Variants in TRH observed in about 807,000 individuals in gnomAD.
TRH encodes the protein TSH-releasing factor.
TRH carries 5 observed loss-of-function variants against 5.2 expected under a neutral mutation model. The observed-to-expected ratio is 0.95, with a 90% CI of 0.50 to 2.00. The LOEUF is 2.00. TRH is among the 30% of genes most tolerant of loss of function. The pLI, the probability that TRH is intolerant of heterozygous loss-of-function variation, is 0.01. For missense variants in TRH, 318 were observed against 312.8 expected (o/e 1.02, Z -0.13); for synonymous variants, 131 against 128.6 (o/e 1.02, Z -0.13).
rs2062548656 is a variant in TRH at position 129,976,915 on chromosome 3, G to A, written c.428G>A (p.Trp143Ter). The A allele has an allele frequency of 6.2e-7, 1 of 1,613,676 alleles. No individual in the cohort carries two copies. The highest frequency in any genetic ancestry group is 1.7e-5 in the Admixed American group (1 of 59,978). The change falls in exon 3 of 3, where the codon TGG (tryptophan) becomes TAG (stop). Residue 143 changes from tryptophan (W) to a stop codon, truncating the protein, a stop_gained. Transcript: ENST00000302649. LOFTEE classifies it low-confidence loss of function (END_TRUNC). ...CAGCATCCTGGCCGGCGCTCCCCCT[G>A]GCTTGCATATGCTGTCCCGAAGCGG... is the stretch of plus-strand genomic sequence containing the variant. ...KRQHPGRRSP[W>*]LAYAVPKRQH...
intron 1 of TRH, 63 bp from the exon 2 acceptor site, chr3:129,975,746 G>C: frequency 1.4e-6 from 2 of 1,470,680 alleles, no homozygotes; most frequent in Non-Finnish European, 1.8e-6. Context: ...CGGGCGTCGG[G>C]GGAGATGGAG....
At position 129,976,778 on chromosome 3, in the gene TRH, TGAAGAA is replaced by T; in HGVS notation, c.294_299del (p.Glu103_Glu104del). 2 of 1,611,888 alleles carry T rather than the reference TGAAGAA, an allele frequency of 1.2e-6. No individual in the cohort carries two copies. The highest frequency in any genetic ancestry group is 2.2e-5 in the South Asian group (2 of 90,968). On this transcript the variant is annotated inframe_deletion, in exon 3 of 3. Coordinates refer to ENST00000302649, the MANE Select transcript of TRH (RefSeq NM_007117.5). ...GAGAGGAGGAGGAGGAAGAGGGAGT[TGAAGAA>T]GAGGAAGAGGAAGAAGGGGGGGCTG...
intron 1 of TRH, among the ~76,000 whole-genome samples, chr3:129,975,507 T>G (rs1291550524): frequency 6.6e-6 from 1 of 152,048 alleles, no homozygotes; most frequent in Non-Finnish European, 1.5e-5. Context: ...CAGTTCCGCG[T>G]CACATTGAAG....
At position 129,975,872 on chromosome 3, in the gene TRH, T is replaced by C; in HGVS notation, c.56T>C (p.Val19Ala). Residue 19 changes from valine (V) to alanine (A), a missense_variant, in exon 2 of 3, where the codon GTC (valine) becomes GCC (alanine). Coordinates refer to ENST00000302649, the MANE Select transcript of TRH (RefSeq NM_007117.5). Reference protein sequence around the residue: ...ALALTLNLTGVPGGRAQPEAA... With the variant: ...ALALTLNLTGAPGGRAQPEAA... Reference sequence around the variant, plus strand: ...GCTTTGACCCTGAACCTGACCGGTGTCCCCGGCGGCCGTGCTCAGCCAGAG... The same window carrying C: ...GCTTTGACCCTGAACCTGACCGGTGCCCCCGGCGGCCGTGCTCAGCCAGAG... 1.2e-6 allele frequency: 2 copies of C among 1,612,766 alleles called. No homozygotes were observed. Among genetic ancestry groups the C allele is most frequent in the Non-Finnish European group, 1.7e-6 (2 of 1,179,842 alleles).
chr3:129,975,838 C>T lies in TRH; in HGVS notation c.22C>T (p.Leu8Phe). The change falls in exon 2 of 3, where the codon CTC (leucine) becomes TTC (phenylalanine). Residue 8 changes from leucine (L) to phenylalanine (F), a missense_variant. Coordinates refer to ENST00000302649, the MANE Select transcript of TRH (RefSeq NM_007117.5). ...CGCGATGCCCGGCCCTTGGTTGCTG[C>T]TCGCTCTGGCTTTGACCCTGAACCT... MPGPWLL[L>F]ALALTLNLTG... The T allele has an allele frequency of 3.1e-6, 5 of 1,609,424 alleles. No homozygotes were observed. Among genetic ancestry groups the T allele is most frequent in the Non-Finnish European group, 4.2e-6 (5 of 1,178,982 alleles).
chr3:129,977,004 G>A lies in TRH; in HGVS notation c.517G>A (p.Glu173Lys), dbSNP rs183830759. 1.6e-4 allele frequency: 263 copies of A among 1,613,828 alleles called. 1 individual carries two copies. In the East Asian group the frequency reaches 5.6e-3, roughly 34 times the overall value. The stretch of plus-strand genomic sequence containing the variant: ...AAGGAGCTGGGAAGAAGAGGAGGAG[G>A]AGGAAGAGAGAGAGGAAGACCTGAT... ...AQRSWEEEEE[E>K]EEREEDLMPE... The change falls in exon 3 of 3, where the codon GAG (glutamate) becomes AAG (lysine). Residue 173 changes from glutamate (E) to lysine (K), a missense_variant. Glu to Lys is a moderately conservative substitution (Grantham distance 56). Transcript: ENST00000302649.
In TRH at chr3:129,976,960, TG is replaced by T; in HGVS notation, c.475del (p.Ala159GlnfsTer22). The T allele has an allele frequency of 6.2e-7, 1 of 1,612,364 alleles. No individual in the cohort carries two copies. Among genetic ancestry groups the T allele is most frequent in the East Asian group, 2.2e-5 (1 of 44,746 alleles). On this transcript the variant is annotated frameshift_variant, in exon 3 of 3. Coordinates refer to ENST00000302649, the MANE Select transcript of TRH (RefSeq NM_007117.5). LOFTEE classifies it low-confidence loss of function (END_TRUNC). ...AAGCGGCAGCACCCAGGCAGAAGGC[TG>T]GCAGATCCCAAGGCTCAAAGGAGCT... is the stretch of plus-strand genomic sequence containing the variant. The part of the protein sequence containing the change: ...VPKRQHPGRR[L>X]ADPKAQRSWE...
rs143074831 is a variant in TRH at position 129,975,928 on chromosome 3, G to T, written c.112G>T (p.Glu38Ter). 2.6e-5 allele frequency: 42 copies of T among 1,613,512 alleles called. No individual in the cohort carries two copies. Among genetic ancestry groups the T allele is most frequent in the Non-Finnish European group, 3.4e-5 (40 of 1,179,914 alleles). ...AAQQEAVTAA[E>*]HPGLDDFLRQ... ...CCAGCAGGAGGCAGTGACGGCCGCG[G>T]AGCATCCGGGCCTGGATGACTTCCT... The change falls in exon 2 of 3, where the codon GAG becomes TAG. Residue 38 changes from glutamate (E) to a stop codon, truncating the protein, a stop_gained. Coordinates refer to ENST00000302649, the MANE Select transcript of TRH (RefSeq NM_007117.5). LOFTEE classifies it high-confidence loss of function.
chr3:129,976,047 G>T lies in TRH; in HGVS notation c.211+20G>T. ...ACTCCGGTGAGTGGATGGGGCTGTT[G>T]GGGGCTGTGGGGCTAGGCTATTGGG... On this transcript the variant is annotated intron_variant, in intron 2 of 2. Transcript: ENST00000302649. The T allele has an allele frequency of 3.7e-6, 6 of 1,610,602 alleles. No homozygotes were observed. The highest frequency in any genetic ancestry group is 5.1e-6 in the Non-Finnish European group (6 of 1,178,100).
intron 1 of TRH, 124 bp downstream of exon 1, chr3:129,974,947 G>T (rs2062533650): frequency 6.6e-6 from 1 of 152,168 alleles, no homozygotes; most frequent in Non-Finnish European, 1.5e-5. Flanking sequence ...CGGTGCACAG[G>T]CGGGCGCTGT....
intron 2 of TRH, 28 bp downstream of exon 2, chr3:129,976,055 T>C (rs1221469101): frequency 1.9e-6 from 3 of 1,607,958 alleles, no homozygotes; most frequent in Non-Finnish European, 2.5e-6. Context: ...TTGGGGGCTG[T>C]GGGGCTAGGC....
At chr3:129,975,598 C>G (rs2062537863) in intron 1 of TRH, among the ~76,000 whole-genome samples, 1 of 152,206 alleles carries the variant, frequency 6.6e-6, no homozygotes, top group Non-Finnish European at 1.5e-5. Flanking sequence ...CTACAGGCAC[C>G]CGTGGGGGCG....
intron 2 of TRH, among the ~76,000 whole-genome samples, chr3:129,976,359 A>G (rs574001426): frequency 3.3e-5 from 5 of 152,272 alleles, no homozygotes; most frequent in Non-Finnish European, 7.4e-5. Context: ...AGCACTTCAA[A>G]CACCTTATCA....
intron 1 of TRH, 64 bp from the exon 2 acceptor site, chr3:129,975,745 G>C (rs1205385722): frequency 3.4e-6 from 5 of 1,468,058 alleles, no homozygotes; most frequent in Non-Finnish European, 4.6e-6. Context: ...GCGGGCGTCG[G>C]GGGAGATGGA....
chr3:129,977,429 T>G lies in TRH; in HGVS notation c.*213T>G. 3.9e-6 allele frequency: 2 copies of G among 516,796 alleles called. No individual in the cohort carries two copies. Among genetic ancestry groups the G allele is most frequent in the East Asian group, 3.4e-5 (1 of 29,348 alleles). The allele number at this position is 516,796 out of a possible 1,614,324, so 32.0% of individuals were successfully genotyped here. A position where few individuals can be genotyped will look rare whatever the true frequency, so the allele number is the denominator to read the frequency against. ...ATCAGCCTAGCAGTTTAAACCCCACTTTCCTCCACTTAGCACCATAGGCAA... is the reference window on the plus strand; with the variant it reads ...ATCAGCCTAGCAGTTTAAACCCCACGTTCCTCCACTTAGCACCATAGGCAA... On this transcript the variant is annotated 3_prime_UTR_variant, in exon 3 of 3. Coordinates refer to ENST00000302649, the MANE Select transcript of TRH (RefSeq NM_007117.5).
Position 129,975,888 on chromosome 3 carries a change from T to G in TRH, c.72T>G (p.Ala24=), listed in dbSNP as rs1276758664. The stretch of plus-strand genomic sequence containing the variant: ...TGACCGGTGTCCCCGGCGGCCGTGC[T>G]CAGCCAGAGGCGGCCCAGCAGGAGG... ...LNLTGVPGGR[A]QPEAAQQEAV... The change falls in exon 2 of 3, where the codon GCT becomes GCG. Residue 24 remains alanine (A), a synonymous_variant. Coordinates refer to ENST00000302649, the MANE Select transcript of TRH (RefSeq NM_007117.5). 1 of 1,613,148 alleles carries G rather than the reference T, an allele frequency of 6.2e-7. No individual in the cohort carries two copies. Among genetic ancestry groups the G allele is most frequent in the African/African-American group, 1.3e-5 (1 of 74,934 alleles).
Position 129,977,377 on chromosome 3 carries a change from G to GC in TRH, c.*164dup, listed in dbSNP as rs1034899112. Reference sequence around the variant, plus strand: ...CACACACATCCCAGCCCCTGGCCTTGCCCTCTTCCTTTAGGCATGTGAGAA... The same window carrying GC: ...CACACACATCCCAGCCCCTGGCCTTGCCCCTCTTCCTTTAGGCATGTGAGAA... On this transcript the variant is annotated 3_prime_UTR_variant, in exon 3 of 3. Coordinates refer to ENST00000302649, the MANE Select transcript of TRH (RefSeq NM_007117.5). 37 of 955,152 alleles carry GC rather than the reference G, an allele frequency of 3.9e-5. 1 individual carries two copies. In the African/African-American group the frequency reaches 5.8e-4, roughly 15 times the overall value. The allele number at this position is 955,152 out of a possible 1,614,324, so 59.2% of individuals were successfully genotyped here. A position where few individuals can be genotyped will look rare whatever the true frequency, so the allele number is the denominator to read the frequency against.
rs1559759590 is a variant in TRH, at chr3:129,977,256, G to A, written c.*40G>A. On this transcript the variant is annotated 3_prime_UTR_variant, in exon 3 of 3. Transcript: ENST00000302649. ...GAAGTCGAGTTTGTGGTCTAAGGAT[G>A]TCTTGAGCCCTGTGTGCCCCACCAT... 3.3e-6 allele frequency: 5 copies of A among 1,507,636 alleles called. No homozygotes were observed. The highest frequency in any genetic ancestry group is 4.4e-6 in the Non-Finnish European group (5 of 1,131,454). 93.4% of individuals were successfully genotyped at this position (1,507,636 alleles called of 1,614,324 possible).
intron 1 of TRH, 123 bp from the exon 2 acceptor site, chr3:129,975,686 G>T: frequency 9.3e-7 from 1 of 1,077,492 alleles, no homozygotes; most frequent in Non-Finnish European, 1.3e-6. Context: ...ACGAGGGGCA[G>T]TGGTCCTGCT....
Sources: allele counts gnomAD v4.1 joint callset (sites outside exome capture counted in the v4.1 genomes callset), GRCh38; gene constraint gnomAD v4.1.1; transcripts MANE v1.5; gene names NCBI Gene and HGNC (gene_info 2026-07-23, HGNC 2026-07-21).